The following HS1BP3 variants were observed in gnomAD, a reference collection of about 807,000 sequenced individuals.
HS1BP3 encodes the protein HCLS1 binding protein 3.
In HS1BP3, 32 loss-of-function variants were observed where a neutral mutation model predicts 33.5. The ratio of observed to expected loss-of-function variants is 0.95; its 90% CI spans 0.72 to 1.28. The LOEUF (loss-of-function observed/expected upper bound fraction) is 1.28. Among genes scored for constraint, HS1BP3 ranks in the 50% most tolerant of loss-of-function variants. The pLI is 0.00. For synonymous variants in HS1BP3, 187 were observed against 209.2 expected, an observed-to-expected ratio of 0.89 and a Z score of 0.92; for missense variants, 486 against 502.3, an observed-to-expected ratio of 0.97 and a Z score of 0.31.
chr2:20,623,868 G>A, intron 6 of HS1BP3, 28 bp downstream of exon 6: 1 of 1,602,044 alleles, frequency 6.2e-7, no homozygotes, highest in East Asian at 2.2e-5. Flanking sequence ...CTCAGAGCTG[G>A]CCAAGCGCCG....
At chr2:20,649,041 A>G (rs78681764) in intron 1 of HS1BP3, among the ~76,000 whole-genome samples, 10,438 of 152,316 alleles carry the variant, frequency 0.069, 713 homozygotes, top group African/African-American at 0.17. Context: ...CCGGCTCTAC[A>G]TGGAAACCTA....
At chr2:20,620,452 C>T (rs1694561402) in intron 6 of HS1BP3, among the ~76,000 whole-genome samples, 1 of 152,188 alleles carries the variant, frequency 6.6e-6, no homozygotes, top group African/African-American at 2.4e-5. Context: ...CTCAGCCATG[C>T]TGGAATCAGG....
intron 5 of HS1BP3, among the ~76,000 whole-genome samples, chr2:20,578,137 G>C (rs1448867318): frequency 6.6e-6 from 1 of 152,246 alleles, no homozygotes; most frequent in Non-Finnish European, 1.5e-5. Flanking sequence ...AGGGGTGCAG[G>C]AAGCAGGCTC....
chr2:20,604,444 G>C (rs1694131114), intron 2 of HS1BP3, among the ~76,000 whole-genome samples: 1 of 152,212 alleles, frequency 6.6e-6, no homozygotes, highest in Non-Finnish European at 1.5e-5. Context: ...TCGTGTTAGA[G>C]ACAGGTCGAC....
chr2:20,650,571 C>CCCGCTGCTGGCATCACCCCCTCT (rs1695661409), intron 1 of HS1BP3, among the ~76,000 whole-genome samples: 1 of 152,244 alleles, frequency 6.6e-6, no homozygotes, highest in Non-Finnish European at 1.5e-5. Flanking sequence ...GAGCTTACTA[C>CCCGCTGCTGGCATCACCCCCTCT]CCGCTGCTGG....
intron 5 of HS1BP3, among the ~76,000 whole-genome samples, chr2:20,581,275 A>G (rs78634037): frequency 0.049 from 7,395 of 152,310 alleles, 169 homozygotes; most frequent in South Asian, 0.068. Flanking sequence ...TTAGTGTTCT[A>G]TTTAGTGTTC....
intron 3 of HS1BP3, among the ~76,000 whole-genome samples, chr2:20,593,714 C>A (rs1206508939): frequency 6.6e-6 from 1 of 152,214 alleles, no homozygotes; most frequent in Non-Finnish European, 1.5e-5. Context: ...CCCGCTCTCA[C>A]CCTGGTCACA....
chr2:20,624,079 G>A (rs2149291809), intron 5 of HS1BP3, 48 bp from the exon 6 acceptor site: 1 of 1,598,350 alleles, frequency 6.3e-7, no homozygotes, highest in Non-Finnish European at 8.5e-7. Flanking sequence ...TCTAGGCTGG[G>A]ATGCCATGGC....
At position 20,647,211 on chromosome 2, in the gene HS1BP3, G is replaced by A. The variant is rs1438721270; in HGVS notation, c.33-1706C>T. On this transcript the variant is annotated intron_variant, in intron 1 of 6. Transcript: ENST00000304031. The stretch of plus-strand genomic sequence containing the variant: ...CCACATCCAATGGTTCTCTGACCAC[G>A]CCAGAACCCACAATCCATAACCCCA... 5.3e-5 allele frequency among the ~76,000 whole-genome samples: 8 copies of A among 152,180 alleles called. No homozygotes were observed. In the East Asian group the frequency reaches 7.7e-4, roughly 15 times the overall value.
chr2:20,619,055 C>A lies in HS1BP3; in HGVS notation c.1111G>T (p.Glu371Ter), dbSNP rs918587712. ...KPQEQIQAMD[E>*]MDILQYIQDH... ...TGGATGTACTGCAAGATGTCCATCT[C>A]GTCCATGGCTTGGATCTGCTCCTGC... Residue 371 changes from glutamate to a stop codon, truncating the protein, a stop_gained, in exon 7 of 7, where the codon GAG becomes TAG. Transcript: ENST00000304031. LOFTEE classifies it high-confidence loss of function. 2 of 1,614,188 alleles carry A rather than the reference C, an allele frequency of 1.2e-6. No individual in the cohort carries two copies. The highest frequency in any genetic ancestry group is 1.7e-6 in the Non-Finnish European group (2 of 1,180,030).
At chr2:20,603,449 G>C (rs1333849100) in intron 2 of HS1BP3, among the ~76,000 whole-genome samples, 1 of 152,212 alleles carries the variant, frequency 6.6e-6, no homozygotes, top group Non-Finnish European at 1.5e-5. Context: ...GATGACCCTT[G>C]AAAGCAGTAT....
At chr2:20,565,663 C>T (rs1298901091) in intron 5 of HS1BP3, among the ~76,000 whole-genome samples, 9 of 152,364 alleles carry the variant, frequency 5.9e-5, no homozygotes, top group African/African-American at 2.2e-4. Flanking sequence ...CGTCTAATAA[C>T]AGCTGCACTC....
intron 2 of HS1BP3, among the ~76,000 whole-genome samples, chr2:20,608,876 G>T (rs917800969): frequency 1.4e-4 from 22 of 152,148 alleles, no homozygotes; most frequent in African/African-American, 5.3e-4. Flanking sequence ...CACTCCTGTG[G>T]CTCCAACTAG....
intron 1 of HS1BP3, among the ~76,000 whole-genome samples, chr2:20,648,891 C>T (rs778778304): frequency 6.6e-6 from 1 of 152,244 alleles, no homozygotes; most frequent in South Asian, 2.1e-4. Flanking sequence ...GAGAGACTTG[C>T]CGTTAGTCTT....
At chr2:20,577,798 C>T (rs1216821823) in intron 5 of HS1BP3, among the ~76,000 whole-genome samples, 1 of 152,230 alleles carries the variant, frequency 6.6e-6, no homozygotes, top group African/African-American at 2.4e-5. Context: ...GGGGTATTGT[C>T]TAAGCTACAC....
chr2:20,564,019 C>G (rs899295340), intron 5 of HS1BP3, among the ~76,000 whole-genome samples: 2 of 152,058 alleles, frequency 1.3e-5, no homozygotes, highest in Non-Finnish European at 2.9e-5. Context: ...GGGAGGAGAG[C>G]CAGGAGGACG....
intron 2 of HS1BP3, among the ~76,000 whole-genome samples, chr2:20,609,338 G>A (rs992899659): frequency 1.3e-5 from 2 of 152,190 alleles, no homozygotes; most frequent in Non-Finnish European, 2.9e-5. Context: ...CAAGCCAAAG[G>A]GGTCCTGGTG....
At chr2:20,616,121 C>G (rs1434239390), downstream of HS1BP3, among the ~76,000 whole-genome samples, 1 of 152,192 alleles carries the variant, frequency 6.6e-6, no homozygotes. Context: ...GTTGTTGTCC[C>G]CAGTTAAACT....
chr2:20,625,912 A>G (rs1410276323), intron 4 of HS1BP3, among the ~76,000 whole-genome samples: 1 of 152,226 alleles, frequency 6.6e-6, no homozygotes, highest in African/African-American at 2.4e-5. Context: ...TACTTTAATA[A>G]TTACTTTAAC....
Sources: gnomAD v4.1 joint callset for allele counts (sites outside exome capture counted in the v4.1 genomes callset) on GRCh38, gnomAD v4.1.1 for gene constraint, MANE v1.5 for transcripts, NCBI Gene and HGNC (gene_info 2026-07-23, HGNC 2026-07-21) for gene names.